Variants in BTBD8 observed in about 807,000 individuals in gnomAD.
BTBD8 encodes BTB domain containing 8.
A neutral mutation model predicts 162.9 loss-of-function variants in BTBD8; 110 were observed. That is an observed-to-expected ratio of 0.68 (90% CI 0.58 to 0.79). The LOEUF is 0.79. Among genes scored for constraint, BTBD8 ranks in the 30% least tolerant of loss-of-function variants. BTBD8 has a pLI of 0.00. For synonymous variants in BTBD8, 667 were observed against 716.1 expected (o/e 0.93, Z 1.10); for missense variants, 1,905 against 2,085.4 (o/e 0.91, Z 1.68).
At chr1:92,093,187 ATTTTTT>A (rs5776134) in intron 2 of BTBD8, among the ~76,000 whole-genome samples, 3 of 119,846 alleles carry the variant, frequency 2.5e-5, no homozygotes, top group East Asian at 4.7e-4. Context: ...TGAAATACCA[ATTTTTT>A]TTTTTTTTTT....
At chr1:92,125,792 C>T in intron 4 of BTBD8, 1 of 413,110 alleles carries the variant, frequency 2.4e-6, no homozygotes, top group Non-Finnish European at 4.8e-6. Flanking sequence ...TTCCATGTCT[C>T]CTTTATCACT....
chr1:92,128,569 C>T (rs1349694280), intron 4 of BTBD8, among the ~76,000 whole-genome samples: 3 of 151,502 alleles, frequency 2.0e-5, no homozygotes, highest in South Asian at 2.1e-4. Flanking sequence ...TGAGCCACCG[C>T]GCCCGGCCAT....
At chr1:92,156,949 T>A (rs1020714089) in intron 9 of BTBD8, among the ~76,000 whole-genome samples, 7 of 151,992 alleles carry the variant, frequency 4.6e-5, no homozygotes, top group Non-Finnish European at 1.0e-4. Context: ...ATATTTATTT[T>A]TTTTTTTCGT....
intron 9 of BTBD8, among the ~76,000 whole-genome samples, chr1:92,163,578 ATT>A (rs78123732): frequency 6.9e-6 from 1 of 145,032 alleles, no homozygotes; most frequent in African/African-American, 2.5e-5. Flanking sequence ...ACATTTGAAA[ATT>A]TTTTTTTTTT....
chr1:92,172,071 A>G (rs1055100280), intron 13 of BTBD8, among the ~76,000 whole-genome samples: 1 of 152,220 alleles, frequency 6.6e-6, no homozygotes, highest in African/African-American at 2.4e-5. Context: ...AGCCTGGGTG[A>G]CAAGAGCGAA....
intron 4 of BTBD8, among the ~76,000 whole-genome samples, chr1:92,123,485 C>T (rs1023486240): frequency 2.0e-5 from 3 of 152,088 alleles, no homozygotes; most frequent in Non-Finnish European, 2.9e-5. Flanking sequence ...TTTCACTCTC[C>T]ATTAGGTCTT....
intron 9 of BTBD8, among the ~76,000 whole-genome samples, chr1:92,152,348 A>G (rs951206701): frequency 2.0e-5 from 3 of 152,224 alleles, no homozygotes; most frequent in African/African-American, 7.2e-5. Flanking sequence ...AGCACATGTT[A>G]GCACTCAGTA....
intron 4 of BTBD8, among the ~76,000 whole-genome samples, chr1:92,116,291 C>G (rs1557445083): frequency 6.6e-6 from 1 of 152,020 alleles, no homozygotes; most frequent in Non-Finnish European, 1.5e-5. Context: ...TCCACATGTA[C>G]TTAAAAAGAA....
chr1:92,176,509 G>A (rs1650713668), intron 13 of BTBD8, among the ~76,000 whole-genome samples: 3 of 151,972 alleles, frequency 2.0e-5, no homozygotes, highest in Admixed American at 2.0e-4. Context: ...CATTCCTCAG[G>A]GCATCCTGAA....
At chr1:92,129,533 A>G (rs1033218641) in intron 4 of BTBD8, among the ~76,000 whole-genome samples, 154 bp from the exon 5 acceptor site, 3 of 152,168 alleles carry the variant, frequency 2.0e-5, no homozygotes, top group Non-Finnish European at 2.9e-5. Context: ...ATATAAGCTT[A>G]TAAGTTTTAT....
intron 3 of BTBD8, among the ~76,000 whole-genome samples, chr1:92,105,576 A>C (rs529963196): frequency 4.6e-5 from 7 of 152,346 alleles, no homozygotes; most frequent in African/African-American, 1.7e-4. Flanking sequence ...AATATCTCAA[A>C]TGTAACCTGT....
chr1:92,090,924 T>C (rs1421699791), intron 2 of BTBD8, among the ~76,000 whole-genome samples: 1 of 152,050 alleles, frequency 6.6e-6, no homozygotes, highest in Non-Finnish European at 1.5e-5. Context: ...GGAGCAAGAC[T>C]CCATCTCAAA....
At chr1:92,172,410 TG>T (rs962347279) in intron 13 of BTBD8, among the ~76,000 whole-genome samples, 2 of 152,236 alleles carry the variant, frequency 1.3e-5, no homozygotes, top group African/African-American at 2.4e-5. Flanking sequence ...GTGTATTAAA[TG>T]GTTAAGATGG....
intron 4 of BTBD8, among the ~76,000 whole-genome samples, chr1:92,121,814 T>G (rs1198203966): frequency 6.6e-6 from 1 of 152,040 alleles, no homozygotes; most frequent in Non-Finnish European, 1.5e-5. Context: ...AGTTTTCTGT[T>G]TATATCTTTT....
intron 4 of BTBD8, among the ~76,000 whole-genome samples, chr1:92,117,239 A>G (rs1649067397): frequency 1.3e-5 from 2 of 151,808 alleles, no homozygotes; most frequent in Admixed American, 1.3e-4. Context: ...TAATGTTCAC[A>G]TTTTGCTGCT....
intron 4 of BTBD8, among the ~76,000 whole-genome samples, chr1:92,124,858 A>T (rs1362035633): frequency 6.6e-6 from 1 of 152,176 alleles, no homozygotes; most frequent in Non-Finnish European, 1.5e-5. Context: ...TCTTGAACAT[A>T]ATTATGGTGA....
chr1:92,080,576 C>G lies in BTBD8; in HGVS notation c.5C>G (p.Ala2Gly), dbSNP rs1291546813. 2 of 1,613,730 alleles carry G rather than the reference C, an allele frequency of 1.2e-6. No homozygotes were observed. The highest frequency in any genetic ancestry group is 2.7e-5 in the African/African-American group (2 of 74,926). M[A>G]RCGEGSAAPM... ...GGCGTCGTACCTCTGTGAGACATGGCTCGCTGTGGGGAAGGCAGTGCGGCC... is the reference window on the plus strand; with the variant it reads ...GGCGTCGTACCTCTGTGAGACATGGGTCGCTGTGGGGAAGGCAGTGCGGCC... Residue 2 changes from alanine (A) to glycine (G), a missense_variant, in exon 1 of 18, where the codon GCT (alanine) becomes GGT (glycine). Around this residue, in one of 3 missense-constraint regions of BTBD8, gnomAD observed 1,374 missense variants for 1,442.7 expected, o/e 0.95. Transcript: ENST00000636805.
At chr1:92,139,452 T>C in intron 6 of BTBD8, 22 bp downstream of exon 6, 1 of 1,593,014 alleles carries the variant, frequency 6.3e-7, no homozygotes, top group South Asian at 1.2e-5. Context: ...TTTTTAATAA[T>C]TTAAAATATA....
chr1:92,141,133 T>C lies in BTBD8; in HGVS notation c.852T>C (p.Ala284=), dbSNP rs1306192921. Residue 284 remains alanine, a synonymous_variant, in exon 7 of 18, where the codon GCT becomes GCC. Coordinates refer to ENST00000636805, the MANE Select transcript of BTBD8 (RefSeq NM_001376131.1). The part of the protein sequence containing the change: ...KTNVGQILNM[A]DMYGLEGLKE... ...ATTTTAGTCAGATACTCAATATGGC[T>C]GATATGTATGGACTAGAAGGATTAA... 6.4e-7 allele frequency: 1 copy of C among 1,565,770 alleles called. No individual in the cohort carries two copies. The highest frequency in any genetic ancestry group is 2.3e-5 in the East Asian group (1 of 43,342).
Sources: gnomAD v4.1 joint callset for allele counts (sites outside exome capture counted in the v4.1 genomes callset) on GRCh38, gnomAD v4.1.1 for gene constraint, gnomAD v4.1.1 regional missense constraint, MANE v1.5 for transcripts, NCBI Gene and HGNC (gene_info 2026-07-23, HGNC 2026-07-21) for gene names.